The following PARD3B variants were observed in gnomAD, a reference collection of about 807,000 sequenced individuals.
The protein encoded by PARD3B is partitioning defective 3 homolog B.
A neutral mutation model predicts 130.2 loss-of-function variants in PARD3B; 103 were observed. The ratio of observed to expected loss-of-function variants is 0.79; its 90% CI spans 0.67 to 0.93. The LOEUF (loss-of-function observed/expected upper bound fraction) is 0.93, where lower values mean the gene tolerates loss of function less well. Ranked by LOEUF, PARD3B falls within the 40% of genes least tolerant of loss-of-function variation. The pLI is 0.00. For missense variants in PARD3B, 1,609 were observed against 1,499.2 expected (o/e 1.07, Z -1.21); for synonymous variants, 583 against 553.2 (o/e 1.05, Z -0.76).
intron 1 of PARD3B, among the ~76,000 whole-genome samples, 158 bp from the exon 2 acceptor site, chr2:204,686,023 T>C (rs916206624): frequency 6.6e-6 from 1 of 152,172 alleles, no homozygotes. Context: ...ATGCCAAGTA[T>C]TTTTTTCCAA....
At chr2:204,578,077 C>T (rs1422950381) in intron 1 of PARD3B, among the ~76,000 whole-genome samples, 1 of 152,162 alleles carries the variant, frequency 6.6e-6, no homozygotes, top group Non-Finnish European at 1.5e-5. Flanking sequence ...GACAGCACTA[C>T]CCACAGCAAA....
intron 14 of PARD3B, among the ~76,000 whole-genome samples, chr2:205,186,363 T>TA (rs1353738585): frequency 1.3e-5 from 2 of 152,126 alleles, no homozygotes; most frequent in East Asian, 1.9e-4. Flanking sequence ...TAATAGAAAC[T>TA]AAAAAAATCA....
intron 18 of PARD3B, among the ~76,000 whole-genome samples, chr2:205,393,857 A>G (rs1330551436): frequency 6.6e-6 from 1 of 152,170 alleles, no homozygotes; most frequent in Admixed American, 6.6e-5. Context: ...TCATCAGCGT[A>G]TGTATGGGAG....
rs988878984 is a variant in PARD3B, at chr2:205,407,579, A to C, written c.2741+6456A>C. Among the ~76,000 whole-genome samples, 17 of 152,230 alleles carry C rather than the reference A, an allele frequency of 1.1e-4. No homozygotes were observed. Among genetic ancestry groups the C allele is most frequent in the African/African-American group, 4.1e-4 (17 of 41,474 alleles). On this transcript the variant is annotated intron_variant, in intron 19 of 22. Coordinates refer to ENST00000406610, the MANE Select transcript of PARD3B (RefSeq NM_001302769.2). This position sits in a 1 kb window ranked among gnomAD's most constrained non-coding sequence, Gnocchi z 4.1. ...CCTTTTACAAAGTATGAAATTAATC[A>C]GAATCTTGGACCTGTAAAATACCAA...
chr2:205,304,426 A>G (rs1217582664), intron 18 of PARD3B, among the ~76,000 whole-genome samples: 2 of 152,116 alleles, frequency 1.3e-5, no homozygotes, highest in African/African-American at 4.8e-5. Flanking sequence ...ACCTGAGGTC[A>G]GGAGTTCGAG....
intron 19 of PARD3B, among the ~76,000 whole-genome samples, chr2:205,410,465 G>A (rs1208976590): frequency 6.6e-6 from 1 of 151,928 alleles, no homozygotes; most frequent in Non-Finnish European, 1.5e-5. Context: ...TATTCTTATA[G>A]TTTCTATTTT....
At chr2:204,739,799 G>T (rs1192723305) in intron 2 of PARD3B, among the ~76,000 whole-genome samples, 2 of 151,924 alleles carry the variant, frequency 1.3e-5, no homozygotes, top group Non-Finnish European at 2.9e-5. Context: ...AAGATAAACA[G>T]TTATTTTTAT....
intron 21 of PARD3B, among the ~76,000 whole-genome samples, chr2:205,551,686 C>G (rs2052653222): frequency 6.6e-6 from 1 of 152,176 alleles, no homozygotes; most frequent in African/African-American, 2.4e-5. Flanking sequence ...TGCAACATCT[C>G]TCCCCATATC....
intron 2 of PARD3B, among the ~76,000 whole-genome samples, chr2:204,888,281 G>A (rs1425077587): frequency 6.6e-6 from 1 of 152,140 alleles, no homozygotes; most frequent in African/African-American, 2.4e-5. Context: ...AATATTGGGT[G>A]GCAAGTGACA....
At chr2:205,554,162 A>T (rs527352493) in intron 22 of PARD3B, among the ~76,000 whole-genome samples, 1 of 152,352 alleles carries the variant, frequency 6.6e-6, no homozygotes, top group Non-Finnish European at 1.5e-5. Flanking sequence ...TGCATCCAAA[A>T]GAGAAACAAA....
chr2:205,100,974 G>T (rs964310073), intron 4 of PARD3B, among the ~76,000 whole-genome samples: 1 of 151,984 alleles, frequency 6.6e-6, no homozygotes, highest in Admixed American at 6.6e-5. Flanking sequence ...AGCTACAAAA[G>T]AAAAAATAAA....
At chr2:205,119,706 T>G (rs893163715) in intron 7 of PARD3B, among the ~76,000 whole-genome samples, 2 of 151,994 alleles carry the variant, frequency 1.3e-5, no homozygotes, top group Admixed American at 1.3e-4. Flanking sequence ...CGCTTGAACC[T>G]GGGGGACAGA....
chr2:205,296,340 GC>G (rs1379732690), intron 16 of PARD3B, among the ~76,000 whole-genome samples: 2 of 152,162 alleles, frequency 1.3e-5, no homozygotes. Flanking sequence ...CAAATCATCT[GC>G]CTGTGGAGAA....
At chr2:205,372,026 G>A (rs780443935) in intron 18 of PARD3B, among the ~76,000 whole-genome samples, 1 of 152,132 alleles carries the variant, frequency 6.6e-6, no homozygotes, top group Non-Finnish European at 1.5e-5. Flanking sequence ...TCTATTGTGT[G>A]CATAAATACC....
intron 2 of PARD3B, among the ~76,000 whole-genome samples, chr2:204,773,805 G>A (rs1036083018): frequency 6.6e-5 from 10 of 151,714 alleles, no homozygotes; most frequent in South Asian, 6.2e-4. Context: ...TCTCTTCCAC[G>A]TACCCCGCTC....
intron 2 of PARD3B, among the ~76,000 whole-genome samples, chr2:204,759,883 A>G (rs2125405497): frequency 6.6e-6 from 1 of 152,138 alleles, no homozygotes; most frequent in South Asian, 2.1e-4. Context: ...GTCTAATGTA[A>G]TCTGTTTTTT....
At chr2:205,333,582 G>T (rs1331288042) in intron 18 of PARD3B, among the ~76,000 whole-genome samples, 1 of 152,114 alleles carries the variant, frequency 6.6e-6, no homozygotes, top group Admixed American at 6.5e-5. Flanking sequence ...TTCCATCAGA[G>T]AAATTCCTCT....
chr2:205,208,468 C>G (rs1228251589), intron 15 of PARD3B, among the ~76,000 whole-genome samples: 2 of 145,184 alleles, frequency 1.4e-5, no homozygotes, highest in African/African-American at 5.4e-5. Context: ...ATCTAGAAAA[C>G]CCCATTGTCT....
At chr2:204,903,181 C>G (rs1279946207) in intron 2 of PARD3B, among the ~76,000 whole-genome samples, 2 of 152,208 alleles carry the variant, frequency 1.3e-5, no homozygotes, top group Non-Finnish European at 2.9e-5. Flanking sequence ...ATTCTCTTAG[C>G]TTACCTTGTA....
Sources: allele counts gnomAD v4.1 joint callset (sites outside exome capture counted in the v4.1 genomes callset), GRCh38; gene constraint gnomAD v4.1.1; non-coding constraint Gnocchi (gnomAD v3.1); transcripts MANE v1.5; gene names NCBI Gene and HGNC (gene_info 2026-07-23, HGNC 2026-07-21).